Variants in PLPP3 observed in about 807,000 individuals in gnomAD.
PLPP3 encodes PAP2 beta.
A neutral mutation model predicts 29.6 loss-of-function variants in PLPP3; 6 were observed. The ratio of observed to expected loss-of-function variants is 0.20; its 90% CI spans 0.11 to 0.40. PLPP3 has a LOEUF of 0.40. PLPP3 is among the 10% of genes least tolerant of loss of function. PLPP3 has a pLI of 1.00. For missense variants in PLPP3, 308 were observed against 407.7 expected (o/e 0.76, Z 2.11); for synonymous variants, 152 against 159.7 (o/e 0.95, Z 0.36).
intron 4 of PLPP3, among the ~76,000 whole-genome samples, chr1:56,516,515 T>C (rs1415200347): frequency 6.6e-6 from 1 of 152,214 alleles, no homozygotes; most frequent in Admixed American, 6.5e-5. Context: ...TAAGTAGAGC[T>C]GGACAAAACC....
Position 56,524,219 on chromosome 1 carries a change from C to G in PLPP3, c.575+58G>C. The G allele has an allele frequency of 6.3e-7, 1 of 1,584,800 alleles. No individual in the cohort carries two copies. Among genetic ancestry groups the G allele is most frequent in the Non-Finnish European group, 8.6e-7 (1 of 1,162,106 alleles). ...CCAGGGCCCAGCTAGTAAGTGCTCA[C>G]TGAACTGCACTGTATGAAAGGGGTC... is the stretch of plus-strand genomic sequence containing the variant. On this transcript the variant is annotated intron_variant, in intron 3 of 5. Transcript: ENST00000371250. The surrounding 1 kb of genome is among the most constrained non-coding windows in gnomAD (Gnocchi z 4.3).
intron 1 of PLPP3, among the ~76,000 whole-genome samples, chr1:56,557,023 AG>A (rs1159910529): frequency 0.011 from 120 of 10,460 alleles, 1 homozygote; most frequent in South Asian, 0.015. Context: ...AGAGAGAGAG[AG>A]AAAGAGAGAG....
At chr1:56,538,297 T>C (rs978185588) in intron 1 of PLPP3, among the ~76,000 whole-genome samples, 5 of 152,086 alleles carry the variant, frequency 3.3e-5, no homozygotes, top group Non-Finnish European at 7.4e-5. Flanking sequence ...CCAAAATACC[T>C]CTTCCTCCCC....
At chr1:56,558,591 T>C (rs1646099421) in intron 1 of PLPP3, among the ~76,000 whole-genome samples, 1 of 152,260 alleles carries the variant, frequency 6.6e-6, no homozygotes, top group African/African-American at 2.4e-5. Flanking sequence ...GGTATATTCA[T>C]GTCAAAGAGC....
chr1:56,507,133 A>G (rs1645707320), intron 5 of PLPP3, among the ~76,000 whole-genome samples: 1 of 152,216 alleles, frequency 6.6e-6, no homozygotes, highest in Non-Finnish European at 1.5e-5. Flanking sequence ...CTGTTGTGAC[A>G]GGATCTACCC....
intron 2 of PLPP3, among the ~76,000 whole-genome samples, chr1:56,533,206 C>A (rs1645902461): frequency 6.6e-6 from 1 of 152,122 alleles, no homozygotes; most frequent in South Asian, 2.1e-4. Flanking sequence ...AGGCACATGC[C>A]ACCAAGCCCA....
chr1:56,557,008 A>AGAGAG (rs1646083171), intron 1 of PLPP3, among the ~76,000 whole-genome samples: 2 of 13,748 alleles, frequency 1.5e-4, no homozygotes, highest in African/African-American at 4.5e-4. Flanking sequence ...GAAAGAAAGA[A>AGAGAG]AGAGAGAGAG....
In PLPP3 at chr1:56,528,480, G is replaced by A. The variant is rs544096786; in HGVS notation, c.298-3926C>T. ...AACAACGTTGTAGCCAGAAAAACCT[G>A]TCTGAATCTTGTCTATTACCTTAGG... is the stretch of plus-strand genomic sequence containing the variant. On this transcript the variant is annotated intron_variant, in intron 2 of 5. Coordinates refer to ENST00000371250, the MANE Select transcript of PLPP3 (RefSeq NM_003713.5). 1.1e-3 allele frequency among the ~76,000 whole-genome samples: 169 copies of A among 152,264 alleles called. 1 individual carries two copies. Among genetic ancestry groups the A allele is most frequent in the South Asian group, 9.3e-3 (45 of 4,822 alleles).
chr1:56,575,145 T>C (rs933321504), intron 1 of PLPP3, among the ~76,000 whole-genome samples: 10 of 152,146 alleles, frequency 6.6e-5, no homozygotes. Flanking sequence ...GGTCACCGCA[T>C]GTTTAATGGC....
intron 1 of PLPP3, among the ~76,000 whole-genome samples, chr1:56,560,984 C>A (rs990414439): frequency 2.0e-5 from 3 of 150,986 alleles, no homozygotes; most frequent in African/African-American, 7.3e-5. Context: ...ATTACAGGCG[C>A]CTGCCACCAT....
At chr1:56,547,157 CTCTG>C (rs1237072559) in intron 1 of PLPP3, among the ~76,000 whole-genome samples, 2 of 152,146 alleles carry the variant, frequency 1.3e-5, no homozygotes, top group Non-Finnish European at 2.9e-5. Flanking sequence ...TGAGGGCCCC[CTCTG>C]TCTAACATCA....
intron 1 of PLPP3, among the ~76,000 whole-genome samples, chr1:56,574,554 G>A (rs377685717): frequency 2.6e-5 from 4 of 152,212 alleles, no homozygotes; most frequent in African/African-American, 7.2e-5. Flanking sequence ...TGCACCCAAC[G>A]AGGCTCTTTT....
chr1:56,523,761 T>C (rs1313942469), intron 4 of PLPP3, 62 bp downstream of exon 4: 1 of 1,526,194 alleles, frequency 6.6e-7, no homozygotes, highest in Non-Finnish European at 9.1e-7. Flanking sequence ...TTGAGGGCTA[T>C]CATATCAGAA....
rs550687925 is a variant in PLPP3, at chr1:56,518,584, T to C, written c.633+5239A>G. Among the ~76,000 whole-genome samples the C allele has an allele frequency of 9.9e-5, 15 of 152,268 alleles. No individual in the cohort carries two copies. The South Asian group carries it at 2.9e-3, about 29-fold the overall frequency. On this transcript the variant is annotated intron_variant, in intron 4 of 5. Transcript: ENST00000371250. ...TGTCAGAAGACCTGAAATTCATTCA[T>C]TCATTCATCTATCAAATATTTATTG...
intron 1 of PLPP3, among the ~76,000 whole-genome samples, chr1:56,571,411 T>C (rs1465205894): frequency 1.3e-5 from 2 of 152,148 alleles, no homozygotes; most frequent in Admixed American, 6.5e-5. Context: ...TGGCCAATAA[T>C]AGTGAGCAGA....
chr1:56,574,324 A>C (rs1405119198), intron 1 of PLPP3, among the ~76,000 whole-genome samples: 1 of 152,182 alleles, frequency 6.6e-6, no homozygotes, highest in African/African-American at 2.4e-5. Context: ...ATCATGGCTC[A>C]CTGCAGCCTC....
rs893753738 is a variant in PLPP3, at chr1:56,524,709, A to T, written c.298-155T>A. Among the ~76,000 whole-genome samples, 7 of 152,220 alleles carry T rather than the reference A, an allele frequency of 4.6e-5. No individual in the cohort carries two copies. The highest frequency in any genetic ancestry group is 1.0e-4 in the Non-Finnish European group (7 of 68,046). ...GAAATATACAGACACAAATATGCAC[A>T]GAAGAAAAGATCAAAGCGCTAATAT... On this transcript the variant is annotated intron_variant, in intron 2 of 5. Coordinates refer to ENST00000371250, the MANE Select transcript of PLPP3 (RefSeq NM_003713.5). This position sits in a 1 kb window ranked among gnomAD's most constrained non-coding sequence, Gnocchi z 4.3.
chr1:56,519,322 G>C (rs1316572900), intron 4 of PLPP3, among the ~76,000 whole-genome samples: 1 of 152,136 alleles, frequency 6.6e-6, no homozygotes, highest in Non-Finnish European at 1.5e-5. Flanking sequence ...GGTGAGCCTA[G>C]GGGTCATAAT....
At chr1:56,564,327 C>T (rs1365533913) in intron 1 of PLPP3, among the ~76,000 whole-genome samples, 2 of 152,190 alleles carry the variant, frequency 1.3e-5, no homozygotes, top group Non-Finnish European at 2.9e-5. Context: ...TTTGTTCCAA[C>T]TGACATGTGA....
Sources: allele counts gnomAD v4.1 joint callset (sites outside exome capture counted in the v4.1 genomes callset), GRCh38; gene constraint gnomAD v4.1.1; non-coding constraint Gnocchi (gnomAD v3.1); transcripts MANE v1.5; gene names NCBI Gene and HGNC (gene_info 2026-07-23, HGNC 2026-07-21).